The following ERICH1 variants were observed in gnomAD, a reference collection of about 807,000 sequenced individuals.
The protein encoded by ERICH1 is glutamate rich 1, also known as glutamate-rich protein 1.
ERICH1 carries 56 observed loss-of-function variants against 39.6 expected under a neutral mutation model. That is an observed-to-expected ratio of 1.41 (90% CI 1.14 to 1.77). ERICH1 has a LOEUF of 1.77. ERICH1 is among the 40% of genes most tolerant of loss of function. ERICH1 has a pLI of 0.00. For synonymous variants in ERICH1, 313 were observed against 223.6 expected (o/e 1.40, Z -3.57); for missense variants, 826 against 575.4 (o/e 1.44, Z -4.45).
intron 3 of ERICH1, among the ~76,000 whole-genome samples, chr8:629,934 C>A (rs1563167257): frequency 4.6e-5 from 5 of 108,560 alleles, no homozygotes; most frequent in African/African-American, 7.1e-5. Context: ...CCGTGACCAC[C>A]CACACAGAGC....
At chr8:628,847 C>G (rs1277201100) in intron 3 of ERICH1, among the ~76,000 whole-genome samples, 1 of 152,160 alleles carries the variant, frequency 6.6e-6, no homozygotes, top group East Asian at 1.9e-4. Context: ...GCAAACAAGC[C>G]CCCTCTCCCA....
chr8:637,161 G>A (rs1192232910), intron 3 of ERICH1, among the ~76,000 whole-genome samples: 1 of 152,234 alleles, frequency 6.6e-6, no homozygotes, highest in African/African-American at 2.4e-5. Flanking sequence ...GCCCATCGGG[G>A]CTGTAGTTGT....
downstream of ERICH1, among the ~76,000 whole-genome samples, chr8:661,575 C>G (rs150272911): frequency 6.6e-6 from 1 of 152,186 alleles, no homozygotes; most frequent in Non-Finnish European, 1.5e-5. Flanking sequence ...ATTACATGAA[C>G]TGAATATTTT....
intron 2 of ERICH1, among the ~76,000 whole-genome samples, chr8:707,885 C>T (rs1813677791): frequency 2.6e-5 from 4 of 152,132 alleles, no homozygotes; most frequent in Admixed American, 2.6e-4. Context: ...AAAATATTCG[C>T]AAATCAGGTA....
rs1289695545 is a variant in ERICH1, at chr8:648,469, C to T, written c.976+20129G>A. ...AAACTGGACACAAATCACACAGCTCCCTGTGGCTGAGGTCACCAGAGGAAA... is the reference window on the plus strand; with the variant it reads ...AAACTGGACACAAATCACACAGCTCTCTGTGGCTGAGGTCACCAGAGGAAA... On this transcript the variant is annotated intron_variant, in intron 3 of 3. Coordinates refer to the ERICH1 transcript ENST00000522706. Among the ~76,000 whole-genome samples, 2 of 56,218 alleles carry T rather than the reference C, an allele frequency of 3.6e-5. 1 individual carries two copies. Among genetic ancestry groups the T allele is most frequent in the East Asian group, 7.1e-4 (2 of 2,828 alleles). 36.9% of individuals were successfully genotyped at this position (56,218 alleles called of 152,430 possible).
intron 3 of ERICH1, among the ~76,000 whole-genome samples, chr8:656,304 G>C (rs142384532): frequency 8.3e-4 from 127 of 152,320 alleles, no homozygotes; most frequent in Middle Eastern, 3.4e-3. Context: ...AAATCTGCAA[G>C]TCACCTGTGG....
At chr8:713,397 G>A (rs1273101405) in intron 2 of ERICH1, among the ~76,000 whole-genome samples, 2 of 152,182 alleles carry the variant, frequency 1.3e-5, no homozygotes, top group Non-Finnish European at 2.9e-5. Context: ...ACTACACTGG[G>A]AGCTTGTACC....
intron 2 of ERICH1, 108 bp downstream of exon 2, chr8:715,753 C>G: frequency 6.8e-7 from 1 of 1,468,332 alleles, no homozygotes; most frequent in Non-Finnish European, 9.2e-7. Flanking sequence ...CTCTGCAGAC[C>G]TGCAGACAGA....
chr8:702,374 T>C (rs754632284), intron 2 of ERICH1, among the ~76,000 whole-genome samples: 1 of 152,146 alleles, frequency 6.6e-6, no homozygotes, highest in Non-Finnish European at 1.5e-5. Flanking sequence ...GCACAGCTCC[T>C]TTAAAGACAC....
chr8:657,517 C>A (rs1015852837), intron 3 of ERICH1, among the ~76,000 whole-genome samples: 1 of 150,242 alleles, frequency 6.7e-6, no homozygotes, highest in Non-Finnish European at 1.5e-5. Context: ...CTCACAGGGG[C>A]GATGCTTGTC....
chr8:673,208 C>T, intron 4 of ERICH1, 81 bp downstream of exon 4: 1 of 1,440,566 alleles, frequency 6.9e-7, no homozygotes, highest in Non-Finnish European at 9.3e-7. Flanking sequence ...TATGTTTTAA[C>T]ATTTAAGCAT....
chr8:653,382 T>C (rs1444282217), intron 3 of ERICH1, among the ~76,000 whole-genome samples: 1 of 152,254 alleles, frequency 6.6e-6, no homozygotes, highest in Non-Finnish European at 1.5e-5. Context: ...TGGCCGAGTC[T>C]TGACCAATCC....
intron 3 of ERICH1, among the ~76,000 whole-genome samples, chr8:635,818 C>T (rs1296283777): frequency 6.6e-6 from 1 of 152,260 alleles, no homozygotes; most frequent in Non-Finnish European, 1.5e-5. Context: ...CACCCCACAG[C>T]AGGGACGGTT....
At chr8:703,622 T>C (rs1197992193) in intron 2 of ERICH1, among the ~76,000 whole-genome samples, 3 of 152,122 alleles carry the variant, frequency 2.0e-5, no homozygotes, top group Non-Finnish European at 1.5e-5. Context: ...AGCCTGTCCA[T>C]AGAGAGTGTG....
intron 3 of ERICH1, among the ~76,000 whole-genome samples, chr8:631,572 C>T (rs906581680): frequency 1.4e-4 from 21 of 152,114 alleles, no homozygotes; most frequent in African/African-American, 4.6e-4. Context: ...TTCGGTCTCT[C>T]CTCCCACAAT....
chr8:664,756 G>T, intron 5 of ERICH1, 80 bp from the exon 6 acceptor site: 2 of 1,184,184 alleles, frequency 1.7e-6, no homozygotes, highest in Non-Finnish European at 2.4e-6. Context: ...GTAGACACGA[G>T]CCTTTGGGCC....
At chr8:671,250 C>G (rs13281912) in intron 4 of ERICH1, among the ~76,000 whole-genome samples, 3 of 106,844 alleles carry the variant, frequency 2.8e-5, no homozygotes, top group African/African-American at 7.4e-5. Flanking sequence ...CCTCTGAACC[C>G]GCTGGCCCCT....
At chr8:707,051 G>C (rs1340860887) in intron 2 of ERICH1, among the ~76,000 whole-genome samples, 1 of 151,892 alleles carries the variant, frequency 6.6e-6, no homozygotes, top group Non-Finnish European at 1.5e-5. Flanking sequence ...ACAAAGTTGA[G>C]GGACCCACAC....
At position 715,904 on chromosome 8, in the gene ERICH1, C is replaced by A. The variant is rs1329431229; in HGVS notation, c.126G>T (p.Val42=). 1.9e-6 allele frequency: 3 copies of A among 1,613,818 alleles called. No homozygotes were observed. Among genetic ancestry groups the A allele is most frequent in the Non-Finnish European group, 2.5e-6 (3 of 1,179,948 alleles). The change falls in exon 2 of 6, where the codon GTG becomes GTT. Residue 42 remains valine, a synonymous_variant. Coordinates refer to ENST00000262109, the MANE Select transcript of ERICH1 (RefSeq NM_207332.3). ...TLAVQNPPKK[V]TSEKVSQKHA... ...GTTTCTGGCTCACTTTCTCAGAGGT[C>A]ACTTTCTTTGGTGGATTTTGGACGG...
Sources: allele counts gnomAD v4.1 joint callset (sites outside exome capture counted in the v4.1 genomes callset), GRCh38; gene constraint gnomAD v4.1.1; transcripts MANE v1.5; gene names NCBI Gene and HGNC (gene_info 2026-07-23, HGNC 2026-07-21).